PCDHGA12: variants seen among roughly 807,000 people sequenced by gnomAD.
PCDHGA12 encodes the protein protocadherin gamma subfamily A, 12.
Under a neutral mutation model 61.1 loss-of-function variants are expected in PCDHGA12, and 43 were observed. That is an observed-to-expected ratio of 0.70 (90% CI 0.55 to 0.91). The LOEUF (loss-of-function observed/expected upper bound fraction) is 0.91, where lower values mean the gene tolerates loss of function less well. Ranked by LOEUF, PCDHGA12 falls within the 40% of genes least tolerant of loss-of-function variation. PCDHGA12 has a pLI of 0.00. For synonymous variants in PCDHGA12, 520 were observed against 542.9 expected, an observed-to-expected ratio of 0.96 and a Z score of 0.59; for missense variants, 1,236 against 1,227.7, an observed-to-expected ratio of 1.01 and a Z score of -0.10.
intron 1 of PCDHGA12, among the ~76,000 whole-genome samples, chr5:141,481,620 C>G (rs1449979532): frequency 6.6e-6 from 1 of 152,112 alleles, no homozygotes; most frequent in African/African-American, 2.4e-5. Context: ...GAGTTCAAGA[C>G]CGGCCTGGCC....
At position 141,486,449 on chromosome 5, in the gene PCDHGA12, A is replaced by G; in HGVS notation, c.2425-8358A>G. On this transcript the variant is annotated intron_variant, in intron 1 of 3. Coordinates refer to ENST00000252085, the MANE Select transcript of PCDHGA12 (RefSeq NM_003735.3). The surrounding 1 kb of genome is among the most constrained non-coding windows in gnomAD (Gnocchi z 5.0). The stretch of plus-strand genomic sequence containing the variant: ...CAAATCTAGCTATGACATCATGGTC[A>G]CTGCTTCTGATGCTGGGAACCCTCC... The G allele has an allele frequency of 6.2e-7, 1 of 1,614,184 alleles. No homozygotes were observed. Among genetic ancestry groups the G allele is most frequent in the Non-Finnish European group, 8.5e-7 (1 of 1,180,000 alleles).
chr5:141,491,567 C>T lies in PCDHGA12; in HGVS notation c.2425-3240C>T, dbSNP rs2099721325. On this transcript the variant is annotated intron_variant, in intron 1 of 3. Transcript: ENST00000252085. The surrounding 1 kb of genome is among the most constrained non-coding windows in gnomAD (Gnocchi z 6.9). ...GACTCGCAGAGCCACTGCTACAGGACGTGCTTTTCACCGGCCTCGGACGGC... is the reference window on the plus strand; with the variant it reads ...GACTCGCAGAGCCACTGCTACAGGATGTGCTTTTCACCGGCCTCGGACGGC... 1.9e-6 allele frequency: 3 copies of T among 1,614,004 alleles called. No individual in the cohort carries two copies. The highest frequency in any genetic ancestry group is 2.5e-6 in the Non-Finnish European group (3 of 1,180,034).
intron 2 of PCDHGA12, among the ~76,000 whole-genome samples, chr5:141,503,010 A>T (rs1595838084): frequency 6.8e-6 from 1 of 146,772 alleles, no homozygotes; most frequent in East Asian, 2.0e-4. Context: ...TGCCCGGTTA[A>T]TTTTTTTTTT....
At chr5:141,463,553 A>G (rs1163004575) in intron 1 of PCDHGA12, among the ~76,000 whole-genome samples, 3 of 140,962 alleles carry the variant, frequency 2.1e-5, no homozygotes, top group Non-Finnish European at 4.5e-5. Context: ...GGTTCATGCC[A>G]TTCTCCTGCC....
Position 141,489,779 on chromosome 5 carries a change from T to C in PCDHGA12, c.2425-5028T>C, listed in dbSNP as rs1269302289. 1.9e-6 allele frequency: 3 copies of C among 1,614,168 alleles called. No homozygotes were observed. Among genetic ancestry groups the C allele is most frequent in the Non-Finnish European group, 2.5e-6 (3 of 1,179,996 alleles). On this transcript the variant is annotated intron_variant, in intron 1 of 3. Coordinates refer to ENST00000252085, the MANE Select transcript of PCDHGA12 (RefSeq NM_003735.3). The surrounding 1 kb of genome is among the most constrained non-coding windows in gnomAD (Gnocchi z 4.5). ...CTAAGCCCCAACAGCCACTTCTCTC[T>C]GAATGTGAAGACCCTAAAAGATGGG...
intron 2 of PCDHGA12, 106 bp downstream of exon 2, chr5:141,494,971 C>T (rs1244836841): frequency 1.3e-6 from 2 of 1,583,382 alleles, no homozygotes; most frequent in African/African-American, 1.3e-5. Context: ...ATGGCTTCTC[C>T]CTCAGTTTGA....
rs762312563 is a variant in PCDHGA12 at position 141,493,182 on chromosome 5, A to G, written c.2425-1625A>G. Among the ~76,000 whole-genome samples, 1 of 152,232 alleles carries G rather than the reference A, an allele frequency of 6.6e-6. No homozygotes were observed. The highest frequency in any genetic ancestry group is 2.4e-5 in the African/African-American group (1 of 41,460). The stretch of plus-strand genomic sequence containing the variant: ...TAGCTGATTGAGAGAAACTTACTAT[A>G]TAACTCCTTTGAGAACCTCATCTCA... On this transcript the variant is annotated intron_variant, in intron 1 of 3. Coordinates refer to ENST00000252085, the MANE Select transcript of PCDHGA12 (RefSeq NM_003735.3). The surrounding 1 kb of genome is among the most constrained non-coding windows in gnomAD (Gnocchi z 4.3).
intron 1 of PCDHGA12, among the ~76,000 whole-genome samples, chr5:141,481,194 T>C (rs74538051): frequency 0.017 from 2,576 of 152,298 alleles, 78 homozygotes; most frequent in African/African-American, 0.059. Context: ...CCAGGCCCAA[T>C]TTTTTTAAAA....
At chr5:141,455,360 A>C (rs2098820130) in intron 1 of PCDHGA12, among the ~76,000 whole-genome samples, 1 of 152,112 alleles carries the variant, frequency 6.6e-6, no homozygotes, top group Non-Finnish European at 1.5e-5. Context: ...TTAATAGGCA[A>C]GAAGGAAGGG....
chr5:141,508,527 GCACC>G (rs2099869479), intron 3 of PCDHGA12, among the ~76,000 whole-genome samples: 1 of 152,104 alleles, frequency 6.6e-6, no homozygotes, highest in Non-Finnish European at 1.5e-5. Flanking sequence ...CAACCTCAGG[GCACC>G]CCCCACGAGG....
At chr5:141,495,209 C>T (rs548415564) in intron 2 of PCDHGA12, among the ~76,000 whole-genome samples, 1 of 152,342 alleles carries the variant, frequency 6.6e-6, no homozygotes, top group Admixed American at 6.5e-5. Flanking sequence ...GCCTAACCCC[C>T]TCCCCTGAGT....
chr5:141,490,042 G>A lies in PCDHGA12; in HGVS notation c.2425-4765G>A. On this transcript the variant is annotated intron_variant, in intron 1 of 3. Transcript: ENST00000252085. This position sits in a 1 kb window ranked among gnomAD's most constrained non-coding sequence, Gnocchi z 5.4. ...TCTGCTGCTCCGCCTCAATGCCACT[G>A]ATCCAGACGAGGGCACCAACGGCCA... The A allele has an allele frequency of 6.2e-7, 1 of 1,614,266 alleles. No homozygotes were observed. Among genetic ancestry groups the A allele is most frequent in the Non-Finnish European group, 8.5e-7 (1 of 1,180,038 alleles).
chr5:141,491,232 G>C lies in PCDHGA12; in HGVS notation c.2425-3575G>C. The C allele has an allele frequency of 6.2e-7, 1 of 1,614,220 alleles. No individual in the cohort carries two copies. Among genetic ancestry groups the C allele is most frequent in the Non-Finnish European group, 8.5e-7 (1 of 1,180,034 alleles). On this transcript the variant is annotated intron_variant, in intron 1 of 3. Coordinates refer to ENST00000252085, the MANE Select transcript of PCDHGA12 (RefSeq NM_003735.3). The surrounding 1 kb of genome is among the most constrained non-coding windows in gnomAD (Gnocchi z 6.9). ...TCTCCTCCACAGCCACAGTGCTGCT[G>C]GTTCTGGAGGATGAGGACCCTGAGG... is the stretch of plus-strand genomic sequence containing the variant.
chr5:141,430,615 A>G lies in PCDHGA12; in HGVS notation c.-145A>G. The G allele has an allele frequency of 1.5e-6, 1 of 686,990 alleles. No homozygotes were observed. The highest frequency in any genetic ancestry group is 2.2e-6 in the Non-Finnish European group (1 of 449,300). 42.6% of individuals were successfully genotyped at this position (686,990 alleles called of 1,614,324 possible). ...CACGCGCCTGAAGCACAAAGCAGAT[A>G]GCTAGGAATGAACCATCCCTGGGAG... is the stretch of plus-strand genomic sequence containing the variant. On this transcript the variant is annotated 5_prime_UTR_variant, in exon 1 of 4. It adds an upstream start codon to the 5' untranslated region. Coordinates refer to ENST00000252085, the MANE Select transcript of PCDHGA12 (RefSeq NM_003735.3).
At chr5:141,484,958 G>T in intron 1 of PCDHGA12, 1 of 575,874 alleles carries the variant, frequency 1.7e-6, no homozygotes. Flanking sequence ...TATTGGCTGA[G>T]CCCGGGAGCC....
At position 141,486,190 on chromosome 5, in the gene PCDHGA12, T is replaced by A; in HGVS notation, c.2425-8617T>A. Reference sequence around the variant, plus strand: ...AGCAACATTGCAGCCTTCGAGTGGATCTGCTGGACGTAAATGACAATGCCC... The same window carrying A: ...AGCAACATTGCAGCCTTCGAGTGGAACTGCTGGACGTAAATGACAATGCCC... On this transcript the variant is annotated intron_variant, in intron 1 of 3. Transcript: ENST00000252085. The surrounding 1 kb of genome is among the most constrained non-coding windows in gnomAD (Gnocchi z 5.0). 1 of 1,614,122 alleles carries A rather than the reference T, an allele frequency of 6.2e-7. No individual in the cohort carries two copies. Among genetic ancestry groups the A allele is most frequent in the South Asian group, 1.1e-5 (1 of 91,070 alleles).
chr5:141,480,651 C>T (rs780138971), intron 1 of PCDHGA12, among the ~76,000 whole-genome samples: 1 of 152,174 alleles, frequency 6.6e-6, no homozygotes, highest in African/African-American at 2.4e-5. Flanking sequence ...CTTGGTTGCA[C>T]ATTAAAATCA....
rs11952292 is a variant in PCDHGA12 at position 141,491,682 on chromosome 5, G to T, written c.2425-3125G>T. The T allele has an allele frequency of 0.072, 115,891 of 1,613,112 alleles. 4,572 individuals carry two copies. The highest frequency in any genetic ancestry group is 0.11 in the South Asian group (9,996 of 91,042). ...ACGCCATCCGGTCCCGCTCTAATAC[G>T]CTGCGGGAGCGGAGCCAGGTGAGGG... On this transcript the variant is annotated intron_variant, in intron 1 of 3. Coordinates refer to ENST00000252085, the MANE Select transcript of PCDHGA12 (RefSeq NM_003735.3). The surrounding 1 kb of genome is among the most constrained non-coding windows in gnomAD (Gnocchi z 6.9).
Position 141,432,794 on chromosome 5 carries a change from G to C in PCDHGA12, c.2035G>C (p.Glu679Gln). 3 of 1,614,138 alleles carry C rather than the reference G, an allele frequency of 1.9e-6. No homozygotes were observed. The highest frequency in any genetic ancestry group is 1.7e-5 in the Admixed American group (1 of 60,026). The part of the protein sequence containing the change: ...PQVLADLGSL[E>Q]SPANSETSDL... ...AGTCCTGGCGGACCTCGGCAGCCTC[G>C]AGTCTCCAGCTAACTCTGAAACCTC... The change falls in exon 1 of 4, where the codon GAG becomes CAG. Residue 679 changes from glutamate to glutamine, a missense_variant. Coordinates refer to ENST00000252085, the MANE Select transcript of PCDHGA12 (RefSeq NM_003735.3). The surrounding 1 kb of genome is among the most constrained non-coding windows in gnomAD (Gnocchi z 6.0).
Sources: allele counts gnomAD v4.1 joint callset (sites outside exome capture counted in the v4.1 genomes callset), GRCh38; gene constraint gnomAD v4.1.1; non-coding constraint Gnocchi (gnomAD v3.1); transcripts MANE v1.5; gene names NCBI Gene and HGNC (gene_info 2026-07-23, HGNC 2026-07-21).